The following KSR2 variants were observed in gnomAD, a reference collection of about 807,000 sequenced individuals.
The protein encoded by KSR2 is kinase suppressor of ras 2.
A neutral mutation model predicts 107.8 loss-of-function variants in KSR2; 25 were observed. That is an observed-to-expected ratio of 0.23 (90% CI 0.17 to 0.32). KSR2 has a LOEUF of 0.32. Ranked by LOEUF, KSR2 falls within the 10% of genes least tolerant of loss-of-function variation. The probability of loss-of-function intolerance (pLI) is 1.00; values close to 1 mark genes in which losing one functional copy is unlikely to be tolerated. For missense variants in KSR2, 887 were observed against 1,268.9 expected (o/e 0.70, Z 4.57); for synonymous variants, 480 against 507.0 (o/e 0.95, Z 0.71).
chr12:117,950,041 T>C (rs1490217805), intron 1 of KSR2, among the ~76,000 whole-genome samples: 1 of 151,956 alleles, frequency 6.6e-6, no homozygotes, highest in Admixed American at 6.6e-5. Flanking sequence ...TGGGGAGATC[T>C]CGGCTCACTG....
At chr12:117,637,675 G>GTTTTTTTTTTGTTTTTT (rs1883165454) in intron 5 of KSR2, among the ~76,000 whole-genome samples, 1 of 92,086 alleles carries the variant, frequency 1.1e-5, no homozygotes, top group African/African-American at 4.2e-5. Context: ...TCAGTTTTGG[G>GTTTTTTTTTTGTTTTTT]TTTTTTTTTT....
At chr12:117,599,522 A>G (rs889952384) in intron 5 of KSR2, among the ~76,000 whole-genome samples, 2 of 152,006 alleles carry the variant, frequency 1.3e-5, no homozygotes, top group African/African-American at 4.8e-5. Context: ...GAATTTCCCA[A>G]CCTCAGCACT....
At chr12:117,857,627 T>C (rs987709920) in intron 2 of KSR2, among the ~76,000 whole-genome samples, 2 of 151,974 alleles carry the variant, frequency 1.3e-5, no homozygotes, top group Non-Finnish European at 2.9e-5. Flanking sequence ...TAATAATAGC[T>C]GAAATGGATG....
Position 117,968,645 on chromosome 12 carries a change from A to G in KSR2, c.-390T>C. The G allele has an allele frequency of 8.8e-6, 2 of 226,248 alleles. No homozygotes were observed. Among genetic ancestry groups the G allele is most frequent in the African/African-American group, 2.3e-5 (1 of 43,740 alleles). 14.0% of individuals were successfully genotyped at this position (226,248 alleles called of 1,614,324 possible). ...AGAGAGGAGGAGGGAGAGGAGGAGG[A>G]GGGAGAGGAGGAGGAGGAGAAGGAA... is the stretch of plus-strand genomic sequence containing the variant. On this transcript the variant is annotated 5_prime_UTR_variant, in exon 1 of 20. Transcript: ENST00000339824.
At chr12:117,767,291 G>A (rs1196352231) in intron 3 of KSR2, among the ~76,000 whole-genome samples, 1 of 151,420 alleles carries the variant, frequency 6.6e-6, no homozygotes, top group East Asian at 2.0e-4. Context: ...CGGGCGTGGT[G>A]GCGGGCGCGT....
intron 3 of KSR2, among the ~76,000 whole-genome samples, chr12:117,783,151 C>A (rs1421301594): frequency 1.3e-5 from 2 of 152,148 alleles, no homozygotes; most frequent in African/African-American, 4.8e-5. Context: ...GTGTGCCCAA[C>A]ACTATTCTAA....
At chr12:117,641,970 G>A (rs1883383538) in intron 5 of KSR2, among the ~76,000 whole-genome samples, 1 of 152,120 alleles carries the variant, frequency 6.6e-6, no homozygotes, top group African/African-American at 2.4e-5. Flanking sequence ...AACCTGCCAA[G>A]CTCTTTCAGC....
At chr12:117,467,700 C>T (rs1288760579) in intron 19 of KSR2, 1 of 370,966 alleles carries the variant, frequency 2.7e-6, no homozygotes, top group South Asian at 2.1e-5. Context: ...ATCCACACTG[C>T]AGCCTCCTGC....
intron 4 of KSR2, among the ~76,000 whole-genome samples, chr12:117,751,674 G>A (rs1888617093): frequency 6.6e-6 from 1 of 152,144 alleles, no homozygotes; most frequent in Non-Finnish European, 1.5e-5. Context: ...AACAGCTATT[G>A]TCCCATAAGA....
chr12:117,938,699 C>T (rs1274630716), intron 1 of KSR2, among the ~76,000 whole-genome samples: 1 of 151,784 alleles, frequency 6.6e-6, no homozygotes, highest in Non-Finnish European at 1.5e-5. Flanking sequence ...GCAGTGAGCC[C>T]ATAATCATGC....
intron 3 of KSR2, among the ~76,000 whole-genome samples, chr12:117,801,762 T>C (rs1327068706): frequency 1.3e-5 from 2 of 151,914 alleles, no homozygotes; most frequent in East Asian, 3.9e-4. Context: ...TGACATGAGA[T>C]TTGGGCAGGG....
At chr12:117,764,893 C>T (rs968856106) in intron 3 of KSR2, among the ~76,000 whole-genome samples, 64 of 152,340 alleles carry the variant, frequency 4.2e-4, no homozygotes, top group African/African-American at 1.5e-3. Context: ...TCAGGGACTA[C>T]TATGAGGATC....
intron 1 of KSR2, among the ~76,000 whole-genome samples, chr12:117,928,408 T>C (rs113549282): frequency 5.9e-5 from 9 of 152,320 alleles, no homozygotes; most frequent in African/African-American, 1.7e-4. Context: ...GGTCTTGAAC[T>C]CCTGAGCTCA....
intron 3 of KSR2, among the ~76,000 whole-genome samples, chr12:117,848,226 G>T (rs1320521320): frequency 6.6e-6 from 1 of 152,212 alleles, no homozygotes; most frequent in Non-Finnish European, 1.5e-5. Context: ...GAAGGCCACA[G>T]CAACAGCACT....
intron 7 of KSR2, among the ~76,000 whole-genome samples, chr12:117,569,270 A>G (rs1309629034): frequency 6.6e-6 from 1 of 152,218 alleles, no homozygotes; most frequent in Non-Finnish European, 1.5e-5. Flanking sequence ...TGACATTTTC[A>G]CTTGGATTTT....
chr12:117,728,582 A>G (rs2136714533), intron 4 of KSR2, among the ~76,000 whole-genome samples: 1 of 152,312 alleles, frequency 6.6e-6, no homozygotes, highest in South Asian at 2.1e-4. Flanking sequence ...CTAAATGGAC[A>G]ACTGAGAAAA....
intron 3 of KSR2, among the ~76,000 whole-genome samples, chr12:117,780,921 G>C (rs772392103): frequency 1.3e-5 from 2 of 152,220 alleles, no homozygotes; most frequent in African/African-American, 4.8e-5. Context: ...GGGTTACGGA[G>C]AGGTTTCCTT....
chr12:117,803,505 A>G (rs1488803051), intron 3 of KSR2, among the ~76,000 whole-genome samples: 2 of 152,114 alleles, frequency 1.3e-5, no homozygotes, highest in African/African-American at 4.8e-5. Flanking sequence ...GATCATGACC[A>G]TCCTGGCCAA....
chr12:117,871,163 A>G (rs1043446600), intron 1 of KSR2, among the ~76,000 whole-genome samples: 11 of 152,216 alleles, frequency 7.2e-5, no homozygotes, highest in Non-Finnish European at 1.5e-4. Flanking sequence ...GGGTCCAATC[A>G]CTGTCCCCAT....
Sources: gnomAD v4.1 joint callset for allele counts (sites outside exome capture counted in the v4.1 genomes callset) on GRCh38, gnomAD v4.1.1 for gene constraint, MANE v1.5 for transcripts, NCBI Gene and HGNC (gene_info 2026-07-23, HGNC 2026-07-21) for gene names.